MECOM: variants seen among roughly 807,000 people sequenced by gnomAD.
MECOM encodes histone-lysine N-methyltransferase MECOM.
Under a neutral mutation model 116.3 loss-of-function variants are expected in MECOM, and 13 were observed. The observed-to-expected ratio is 0.11, with a 90% CI of 0.07 to 0.18. The LOEUF (loss-of-function observed/expected upper bound fraction) is 0.18, where lower values mean the gene tolerates loss of function less well. MECOM is among the 10% of genes least tolerant of loss of function. MECOM has a pLI of 1.00. For missense variants in MECOM, 1,299 were observed against 1,509.0 expected, an observed-to-expected ratio of 0.86 and a Z score of 2.31; for synonymous variants, 528 against 535.2, an observed-to-expected ratio of 0.99 and a Z score of 0.19.
intron 10 of MECOM, among the ~76,000 whole-genome samples, chr3:169,107,048 A>G (rs1725671110): frequency 3.3e-5 from 5 of 152,212 alleles, no homozygotes; most frequent in Admixed American, 3.3e-4. Context: ...AACATCAAAT[A>G]GAGGAAATAG....
intron 1 of MECOM, among the ~76,000 whole-genome samples, chr3:169,532,764 C>T (rs1190842864): frequency 1.3e-5 from 2 of 152,016 alleles, no homozygotes; most frequent in African/African-American, 4.8e-5. Flanking sequence ...CCCTACCCCA[C>T]ATGCACACAC....
At chr3:169,541,906 T>C (rs1280338600) in intron 1 of MECOM, among the ~76,000 whole-genome samples, 1 of 152,260 alleles carries the variant, frequency 6.6e-6, no homozygotes, top group Non-Finnish European at 1.5e-5. Context: ...TTTAAGGCTT[T>C]TTAAAAGACA....
intron 1 of MECOM, among the ~76,000 whole-genome samples, chr3:169,428,979 A>G (rs1039874472): frequency 6.7e-6 from 1 of 149,794 alleles, no homozygotes; most frequent in African/African-American, 2.4e-5. Context: ...CTTGGATACT[A>G]GAAAACAAAG....
chr3:169,292,079 C>G (rs1190028111), intron 2 of MECOM, among the ~76,000 whole-genome samples: 1 of 152,132 alleles, frequency 6.6e-6, no homozygotes, highest in Non-Finnish European at 1.5e-5. Flanking sequence ...GGGGCTCATG[C>G]TGGTAATCCC....
rs1202882220 is a variant in MECOM, at chr3:169,490,179, T to C, written c.38-108655A>G. On this transcript the variant is annotated intron_variant, in intron 1 of 16. Transcript: ENST00000651503. ...GAGTTTCAAAAATTAATAAATCTGA[T>C]AATACTAATCATTGTATGAGAGGAC... Among the ~76,000 whole-genome samples the C allele has an allele frequency of 2.6e-5, 4 of 152,190 alleles. No individual in the cohort carries two copies. In the East Asian group the frequency reaches 7.7e-4, roughly 29 times the overall value.
chr3:169,297,584 A>G (rs1715855138), intron 2 of MECOM, among the ~76,000 whole-genome samples: 1 of 152,112 alleles, frequency 6.6e-6, no homozygotes, highest in Non-Finnish European at 1.5e-5. Flanking sequence ...CCTACCACAC[A>G]GTTCAGCTTG....
intron 2 of MECOM, among the ~76,000 whole-genome samples, chr3:169,308,212 G>A (rs1384666812): frequency 6.6e-6 from 1 of 152,162 alleles, no homozygotes; most frequent in Non-Finnish European, 1.5e-5. Context: ...CTGGGCCTAT[G>A]TATTTTACTA....
chr3:169,141,772 CTTG>C (rs1365191290), intron 3 of MECOM, among the ~76,000 whole-genome samples: 1 of 151,898 alleles, frequency 6.6e-6, no homozygotes, highest in Non-Finnish European at 1.5e-5. Context: ...ACTTTCCTCC[CTTG>C]TTGTTTATGG....
At position 169,631,011 on chromosome 3, in the gene MECOM, G is replaced by A. The variant is rs945317394; in HGVS notation, c.37+32325C>T. On this transcript the variant is annotated intron_variant, in intron 1 of 16. Transcript: ENST00000651503. ...AGATAACCTGATAGCAATGCTGAGG[G>A]AAGCATATTGATGTCCTCCTCCATC... is the stretch of plus-strand genomic sequence containing the variant. Among the ~76,000 whole-genome samples, 7 of 152,334 alleles carry A rather than the reference G, an allele frequency of 4.6e-5. No homozygotes were observed. In the South Asian group the frequency reaches 6.2e-4, roughly 14 times the overall value.
chr3:169,644,985 A>C (rs1295362143), intron 1 of MECOM, among the ~76,000 whole-genome samples: 1 of 152,144 alleles, frequency 6.6e-6, no homozygotes, highest in Non-Finnish European at 1.5e-5. Context: ...AAGTACACAC[A>C]AATGACTGTG....
At chr3:169,085,193 A>G (rs1717273326) in intron 16 of MECOM, 150 bp from the exon 17 acceptor site, 1 of 1,022,028 alleles carries the variant, frequency 9.8e-7, no homozygotes, top group Admixed American at 2.3e-5. Flanking sequence ...TATTTTTTGT[A>G]GAAACCACAT....
At chr3:169,130,819 A>C (rs1303454402) in intron 4 of MECOM, among the ~76,000 whole-genome samples, 1 of 152,206 alleles carries the variant, frequency 6.6e-6, no homozygotes, top group East Asian at 1.9e-4. Context: ...TCAATGACAC[A>C]AATCAATATA....
Position 169,381,403 on chromosome 3 carries a change from A to C in MECOM, c.159T>G (p.Ser53Arg). ...IQEPCSPATSSEAFTPKEGSP... is the reference protein window; with the variant it reads ...IQEPCSPATSREAFTPKEGSP... ...AACCCTCCTTTGGAGTGAATGCTTC[A>C]CTGGATGTGGCAGGAGAGCATGGCT... Residue 53 changes from serine (S) to arginine (R), a missense_variant, in exon 2 of 17, where the codon AGT becomes AGG. By Grantham distance (110) the Ser-to-Arg change is moderately radical. Coordinates refer to ENST00000651503, the MANE Select transcript of MECOM (RefSeq NM_004991.4). The C allele has an allele frequency of 6.2e-7, 1 of 1,613,892 alleles. No individual in the cohort carries two copies. Among genetic ancestry groups the C allele is most frequent in the African/African-American group, 1.3e-5 (1 of 75,058 alleles).
At chr3:169,167,763 A>G in intron 2 of MECOM, among the ~76,000 whole-genome samples, 1 of 152,114 alleles carries the variant, frequency 6.6e-6, no homozygotes, top group Non-Finnish European at 1.5e-5. Context: ...ATACACATAC[A>G]CAGACACTCA....
intron 1 of MECOM, among the ~76,000 whole-genome samples, chr3:169,480,114 T>A (rs1246951650): frequency 6.6e-6 from 1 of 152,206 alleles, no homozygotes; most frequent in African/African-American, 2.4e-5. Context: ...ATGATGATGG[T>A]TTTCTGTAGG....
At chr3:169,474,212 A>T (rs1449001533) in intron 1 of MECOM, among the ~76,000 whole-genome samples, 1 of 152,228 alleles carries the variant, frequency 6.6e-6, no homozygotes. Flanking sequence ...CTAGGAAGAC[A>T]ACTGTCTAAA....
At chr3:169,352,095 T>C (rs1331439064) in intron 2 of MECOM, among the ~76,000 whole-genome samples, 1 of 151,914 alleles carries the variant, frequency 6.6e-6, no homozygotes, top group African/African-American at 2.4e-5. Flanking sequence ...GTTTTTATTT[T>C]TATTTTTTAG....
intron 1 of MECOM, among the ~76,000 whole-genome samples, chr3:169,456,945 C>G (rs938583883): frequency 6.6e-6 from 1 of 152,186 alleles, no homozygotes; most frequent in African/African-American, 2.4e-5. Flanking sequence ...TGGAAGCAGG[C>G]AGGAGGCCCT....
At chr3:169,658,625 C>A (rs763819332) in intron 1 of MECOM, among the ~76,000 whole-genome samples, 1 of 152,070 alleles carries the variant, frequency 6.6e-6, no homozygotes, top group Non-Finnish European at 1.5e-5. Flanking sequence ...GTGTAGGGGG[C>A]CCCCTGAGTG....
Sources: allele counts gnomAD v4.1 joint callset (sites outside exome capture counted in the v4.1 genomes callset), GRCh38; gene constraint gnomAD v4.1.1; transcripts MANE v1.5; gene names NCBI Gene and HGNC (gene_info 2026-07-23, HGNC 2026-07-21).